Variants in GSE1 observed in about 807,000 individuals in gnomAD.
The protein encoded by GSE1 is Gse1 coiled-coil protein.
In GSE1, 32 loss-of-function variants were observed where a neutral mutation model predicts 112.6. The ratio of observed to expected loss-of-function variants is 0.28; its 90% CI spans 0.21 to 0.38. GSE1 has a LOEUF of 0.38. Ranked by LOEUF, GSE1 falls within the 10% of genes least tolerant of loss-of-function variation. The pLI is 1.00. For synonymous variants in GSE1, 1,115 were observed against 735.6 expected (o/e 1.52, Z -8.35); for missense variants, 2,348 against 1,699.2 (o/e 1.38, Z -6.71).
upstream of GSE1, among the ~76,000 whole-genome samples, chr16:85,606,901 C>T (rs890882931): frequency 6.6e-6 from 1 of 152,224 alleles, no homozygotes; most frequent in Non-Finnish European, 1.5e-5. Context: ...GCTCCCCCAG[C>T]CCCCTTCCCC....
chr16:85,667,440 G>T (rs567204241), intron 13 of GSE1, among the ~76,000 whole-genome samples: 14 of 152,280 alleles, frequency 9.2e-5, no homozygotes, highest in Admixed American at 7.8e-4. Flanking sequence ...CTCTTGAAAC[G>T]GGGCACAATG....
At chr16:85,301,725 C>A (rs944220856) in intron 1 of GSE1, among the ~76,000 whole-genome samples, 1 of 152,228 alleles carries the variant, frequency 6.6e-6, no homozygotes, top group African/African-American at 2.4e-5. Context: ...GGTCCCCTCC[C>A]AGGGCAGGGC....
intron 1 of GSE1, among the ~76,000 whole-genome samples, chr16:85,214,954 G>A (rs568370503): frequency 6.6e-6 from 1 of 152,312 alleles, no homozygotes; most frequent in South Asian, 2.1e-4. Context: ...TCCTTGCCCG[G>A]TCTTGGCCTC....
At chr16:85,398,973 G>A (rs573488347) in intron 2 of GSE1, among the ~76,000 whole-genome samples, 4 of 152,264 alleles carry the variant, frequency 2.6e-5, no homozygotes, top group Admixed American at 1.3e-4. Flanking sequence ...GGGTGTGTGT[G>A]TAGCATGTGC....
At chr16:85,410,432 CCTGGATAAT>C (rs1396966585) in intron 2 of GSE1, among the ~76,000 whole-genome samples, 937 of 27,598 alleles carry the variant, frequency 0.034, 283 homozygotes, top group Non-Finnish European at 0.051. Context: ...CTCAGGGCCC[CCTGGATAAT>C]CCTCACTGTT....
intron 2 of GSE1, among the ~76,000 whole-genome samples, chr16:85,510,436 C>CTGTG (rs56930728): frequency 6.6e-6 from 1 of 151,728 alleles, no homozygotes; most frequent in African/African-American, 2.4e-5. Flanking sequence ...GTGTGTGTGT[C>CTGTG]AGTGTGTGTG....
chr16:85,322,160 T>C (rs2046121684), intron 1 of GSE1, among the ~76,000 whole-genome samples: 1 of 152,222 alleles, frequency 6.6e-6, no homozygotes, highest in Non-Finnish European at 1.5e-5. Flanking sequence ...TGTTTCCAAG[T>C]TCAACATTCT....
intron 1 of GSE1, among the ~76,000 whole-genome samples, chr16:85,229,666 GTGCTCTTAAC>G (rs893711132): frequency 1.3e-5 from 2 of 152,238 alleles, no homozygotes; most frequent in Non-Finnish European, 2.9e-5. Context: ...TCCAGAAGCC[GTGCTCTTAAC>G]TGCTTCAAGA....
chr16:85,672,538 G>A lies in GSE1; in HGVS notation c.3653G>A (p.Ter1218=), dbSNP rs750227910. Residue 1218 remains the stop codon, a stop_retained_variant, in exon 16 of 16, where the codon TGA becomes TAA. Coordinates refer to ENST00000253458, the MANE Select transcript of GSE1 (RefSeq NM_014615.5). ...PRGYLKGYPR[*] Reference sequence around the variant, plus strand: ...GGCTACCTGAAGGGATATCCCAGGTGACGGTTTCCCTTGCACTAGGCCGAA... The same window carrying A: ...GGCTACCTGAAGGGATATCCCAGGTAACGGTTTCCCTTGCACTAGGCCGAA... The A allele has an allele frequency of 1.2e-6, 2 of 1,602,440 alleles. No individual in the cohort carries two copies. Among genetic ancestry groups the A allele is most frequent in the Non-Finnish European group, 1.7e-6 (2 of 1,171,028 alleles).
intron 2 of GSE1, among the ~76,000 whole-genome samples, chr16:85,484,781 G>A (rs749010036): frequency 1.3e-5 from 2 of 152,210 alleles, no homozygotes; most frequent in Non-Finnish European, 2.9e-5. Flanking sequence ...TCCATGCGCC[G>A]GCTCTGTGCC....
intron 1 of GSE1, among the ~76,000 whole-genome samples, chr16:85,242,669 A>G (rs1469195543): frequency 1.3e-5 from 2 of 152,118 alleles, no homozygotes; most frequent in East Asian, 3.9e-4. Context: ...GAGGTATACG[A>G]CAGCGACCCC....
chr16:85,539,722 C>T (rs1182627009), intron 2 of GSE1, among the ~76,000 whole-genome samples: 1 of 152,228 alleles, frequency 6.6e-6, no homozygotes, highest in Non-Finnish European at 1.5e-5. Flanking sequence ...ATCACCTCCT[C>T]TCACCTATCT....
chr16:85,631,246 C>G (rs1390393565), intron 1 of GSE1, among the ~76,000 whole-genome samples: 2 of 152,246 alleles, frequency 1.3e-5, no homozygotes, highest in Admixed American at 6.5e-5. Context: ...ACAGATAGGA[C>G]CCGGAGGTCC....
chr16:85,238,024 A>G (rs1904842289), intron 1 of GSE1, among the ~76,000 whole-genome samples: 1 of 152,170 alleles, frequency 6.6e-6, no homozygotes, highest in African/African-American at 2.4e-5. Context: ...GGAAGAATGC[A>G]GAGGGCTTGG....
intron 2 of GSE1, among the ~76,000 whole-genome samples, chr16:85,455,665 G>T (rs904620532): frequency 6.6e-6 from 1 of 152,238 alleles, no homozygotes; most frequent in African/African-American, 2.4e-5. Flanking sequence ...GACTCAGGGA[G>T]CCTGGCGCGC....
chr16:85,319,990 G>A (rs546690721), intron 1 of GSE1, among the ~76,000 whole-genome samples: 8 of 152,316 alleles, frequency 5.3e-5, no homozygotes, highest in African/African-American at 7.2e-5. Context: ...CTACCCAGCC[G>A]GTTCGCTTCT....
intron 1 of GSE1, among the ~76,000 whole-genome samples, chr16:85,222,247 A>T (rs547147486): frequency 6.6e-6 from 1 of 152,214 alleles, no homozygotes; most frequent in South Asian, 2.1e-4. Context: ...GGGGCCCACC[A>T]GACCTTAGGG....
intron 1 of GSE1, chr16:85,594,007 C>G (rs890555691): frequency 3.3e-5 from 5 of 152,114 alleles, no homozygotes; most frequent in African/African-American, 1.2e-4. Flanking sequence ...TCTTTCTCTC[C>G]AAGCGGGCAC....
At chr16:85,639,477 C>G (rs1297689590) in intron 2 of GSE1, among the ~76,000 whole-genome samples, 1 of 146,624 alleles carries the variant, frequency 6.8e-6, no homozygotes, top group Admixed American at 6.8e-5. Context: ...GATTCTGACT[C>G]CCCTCTAAGC....
Sources: gnomAD v4.1 joint callset for allele counts (sites outside exome capture counted in the v4.1 genomes callset) on GRCh38, gnomAD v4.1.1 for gene constraint, MANE v1.5 for transcripts, NCBI Gene and HGNC (gene_info 2026-07-23, HGNC 2026-07-21) for gene names.